SELENOO: variants seen among roughly 807,000 people sequenced by gnomAD.
SELENOO encodes the protein protein adenylyltransferase SelO, mitochondrial.
SELENOO carries 74 observed loss-of-function variants against 58.7 expected under a neutral mutation model. That is an observed-to-expected ratio of 1.26 (90% CI 1.04 to 1.53). The LOEUF (loss-of-function observed/expected upper bound fraction) is 1.53. Ranked by LOEUF, SELENOO falls within the 40% of genes most tolerant of loss-of-function variation. The probability of loss-of-function intolerance (pLI) is 0.00; values close to 1 mark genes in which losing one functional copy is unlikely to be tolerated. For synonymous variants in SELENOO, 543 were observed against 453.2 expected, an observed-to-expected ratio of 1.20 and a Z score of -2.52; for missense variants, 1,149 against 970.0, an observed-to-expected ratio of 1.18 and a Z score of -2.45.
intron 4 of SELENOO, 117 bp from the exon 5 acceptor site, chr22:50,210,514 G>T: frequency 2.0e-6 from 3 of 1,493,594 alleles, no homozygotes; most frequent in Non-Finnish European, 2.7e-6. Flanking sequence ...TGTGGGACAG[G>T]GCCAGAGAGC....
Position 50,201,033 on chromosome 22 carries a change from G to GC in SELENOO, c.-3dup. 4.0e-6 allele frequency: 5 copies of GC among 1,260,398 alleles called. No individual in the cohort carries two copies. Among genetic ancestry groups the GC allele is most frequent in the Non-Finnish European group, 5.0e-6 (5 of 1,001,858 alleles). 78.1% of individuals were successfully genotyped at this position (1,260,398 alleles called of 1,614,324 possible). ...GCTGGCTTCCGGCGGGAGCGGGGCC[G>GC]CGGATGGCCGTATACAGGGCAGCGC... On this transcript the variant is annotated 5_prime_UTR_variant, in exon 1 of 9. Transcript: ENST00000380903.
chr22:50,209,011 C>A (rs1024955715), intron 3 of SELENOO, among the ~76,000 whole-genome samples: 1 of 152,152 alleles, frequency 6.6e-6, no homozygotes, highest in Admixed American at 6.5e-5. Context: ...GGTGGAAGGA[C>A]CATGGGCTGG....
At chr22:50,215,635 TGGGGGGGG>T (rs10605825) in intron 5 of SELENOO, 74 bp from the exon 6 acceptor site, 7 of 892,014 alleles carry the variant, frequency 7.8e-6, no homozygotes, top group Admixed American at 3.3e-5. Flanking sequence ...GCCAGGGGGG[TGGGGGGGG>T]GGGGGTCTGT....
intron 4 of SELENOO, 85 bp downstream of exon 4, chr22:50,210,396 G>A (rs2064360744): frequency 6.6e-7 from 1 of 1,525,760 alleles, no homozygotes; most frequent in Non-Finnish European, 8.9e-7. Flanking sequence ...CCAGGCACTG[G>A]CCCGTGATGC....
At chr22:50,202,078 AGATGCCGCCAGGCCCACCGGG>A (rs1415429889) in intron 1 of SELENOO, among the ~76,000 whole-genome samples, 6 of 152,264 alleles carry the variant, frequency 3.9e-5, no homozygotes, top group African/African-American at 1.2e-4. Context: ...ATCTGGGTCC[AGATGCCGCCAGGCCCACCGGG>A]GAGCCGTGCA....
In SELENOO at chr22:50,201,224, C is replaced by G; in HGVS notation, c.188C>G (p.Pro63Arg). 8.6e-7 allele frequency: 1 copy of G among 1,159,618 alleles called. No homozygotes were observed. Among genetic ancestry groups the G allele is most frequent in the Non-Finnish European group, 1.1e-6 (1 of 942,950 alleles). The allele number at this position is 1,159,618 out of a possible 1,614,324, so 71.8% of individuals were successfully genotyped here. The change falls in exon 1 of 9, where the codon CCG (proline) becomes CGG (arginine). Residue 63 changes from proline to arginine, a missense_variant. By Grantham distance (103) the Pro-to-Arg change is moderately radical. Transcript: ENST00000380903. ...RALRALPVEA[P>R]PPGPEGAPSA... ...CTGCGCGCCCTGCCCGTGGAGGCGC[C>G]GCCGCCCGGTCCCGAGGGCGCCCCG...
At chr22:50,205,498 G>A (rs2064327219) in intron 1 of SELENOO, 1 of 152,212 alleles carries the variant, frequency 6.6e-6, no homozygotes, top group African/African-American at 2.4e-5. Flanking sequence ...GCGAGAGGGT[G>A]GTGCTGCAGT....
Position 50,216,806 on chromosome 22 carries a change from G to A in SELENOO, c.1618G>A (p.Glu540Lys). The change falls in exon 7 of 9, where the codon GAG becomes AAG. Residue 540 changes from glutamate to lysine, a missense_variant. Glu to Lys is a moderately conservative substitution (Grantham distance 56). Coordinates refer to ENST00000380903, the MANE Select transcript of SELENOO (RefSeq NM_031454.2). ...LERVEQQSRLEQLSAAELQSR... is the reference protein window; with the variant it reads ...LERVEQQSRLKQLSAAELQSR... ...GCGTGTGGAGCAGCAGTCTCGGCTG[G>A]AGCAGCTGAGTGCGGCAGAGCTGCA... The A allele has an allele frequency of 1.9e-6, 3 of 1,608,844 alleles. No homozygotes were observed. Among genetic ancestry groups the A allele is most frequent in the Non-Finnish European group, 2.5e-6 (3 of 1,179,854 alleles).
chr22:50,201,022 G>C lies in SELENOO; in HGVS notation c.-15G>C. ...GGGCGGGGCAGGCTGGCTTCCGGCGGGAGCGGGGCCGCGGATGGCCGTATA... is the reference window on the plus strand; with the variant it reads ...GGGCGGGGCAGGCTGGCTTCCGGCGCGAGCGGGGCCGCGGATGGCCGTATA... On this transcript the variant is annotated 5_prime_UTR_variant, in exon 1 of 9. Coordinates refer to ENST00000380903, the MANE Select transcript of SELENOO (RefSeq NM_031454.2). The C allele has an allele frequency of 8.0e-7, 1 of 1,253,296 alleles. No homozygotes were observed. The highest frequency in any genetic ancestry group is 3.2e-5 in the East Asian group (1 of 31,112). The allele number at this position is 1,253,296 out of a possible 1,614,324, so 77.6% of individuals were successfully genotyped here. A position where few individuals can be genotyped will look rare whatever the true frequency, so the allele number is the denominator to read the frequency against.
Position 50,201,232 on chromosome 22 carries a change from G to T in SELENOO, c.196G>T (p.Gly66Cys). Reference sequence around the variant, plus strand: ...CCTGCCCGTGGAGGCGCCGCCGCCCGGTCCCGAGGGCGCCCCGTCCGCGCC... The same window carrying T: ...CCTGCCCGTGGAGGCGCCGCCGCCCTGTCCCGAGGGCGCCCCGTCCGCGCC... Reference protein sequence around the residue: ...RALPVEAPPPGPEGAPSAPRP... With the variant: ...RALPVEAPPPCPEGAPSAPRP... Residue 66 changes from glycine (G) to cysteine (C), a missense_variant, in exon 1 of 9, where the codon GGT (glycine) becomes TGT (cysteine). Coordinates refer to ENST00000380903, the MANE Select transcript of SELENOO (RefSeq NM_031454.2). The T allele has an allele frequency of 8.8e-7, 1 of 1,137,222 alleles. No homozygotes were observed. Among genetic ancestry groups the T allele is most frequent in the Non-Finnish European group, 1.1e-6 (1 of 929,070 alleles). 70.4% of individuals were successfully genotyped at this position (1,137,222 alleles called of 1,614,324 possible). A position where few individuals can be genotyped will look rare whatever the true frequency, so the allele number is the denominator to read the frequency against.
intron 5 of SELENOO, among the ~76,000 whole-genome samples, chr22:50,212,538 C>T (rs1246122781): frequency 4.6e-5 from 7 of 152,216 alleles, no homozygotes; most frequent in African/African-American, 1.7e-4. Context: ...AGGAGCAGTG[C>T]TGTACAGCCG....
In SELENOO at chr22:50,215,879, G is replaced by C. The variant is rs2147167492; in HGVS notation, c.1502+12G>C. 1 of 1,584,114 alleles carries C rather than the reference G, an allele frequency of 6.3e-7. No homozygotes were observed. The highest frequency in any genetic ancestry group is 8.6e-7 in the Non-Finnish European group (1 of 1,160,848). ...CAGATGGATCCCCGGTGGGTACTCA[G>C]TTCCTACTTCTTTGGATTTGTTTCC... On this transcript the variant is annotated intron_variant, in intron 6 of 8. Coordinates refer to ENST00000380903, the MANE Select transcript of SELENOO (RefSeq NM_031454.2).
At chr22:50,212,884 C>T (rs868117407) in intron 5 of SELENOO, among the ~76,000 whole-genome samples, 2 of 151,888 alleles carry the variant, frequency 1.3e-5, no homozygotes, top group South Asian at 2.1e-4. Context: ...AGTGGAGTTA[C>T]GCAGCGTGTG....
rs73435246 is a variant in SELENOO, at chr22:50,207,565, C to T, written c.759-971C>T. On this transcript the variant is annotated intron_variant, in intron 2 of 8. Transcript: ENST00000380903. ...CCCACCCCTGAGGCTGCCTGTGGGC[C>T]TCTGGCTTTTCCTGTCCTGCAGGGG... 9.2e-3 allele frequency among the ~76,000 whole-genome samples: 1,393 copies of T among 150,926 alleles called. 23 individuals are homozygous for T. The highest frequency in any genetic ancestry group is 0.033 in the African/African-American group (1,339 of 41,144).
intron 5 of SELENOO, among the ~76,000 whole-genome samples, chr22:50,211,361 G>GT (rs1261548624): frequency 6.6e-6 from 1 of 152,186 alleles, no homozygotes; most frequent in East Asian, 1.9e-4. Flanking sequence ...GTTCCGTGGG[G>GT]TGTACAGGTG....
chr22:50,201,907 G>T lies in SELENOO; in HGVS notation c.554+317G>T, dbSNP rs145201192. ...GCAGGTCCCCAGCCTTCCTCCGATCGCTCGTGGGGCGGGCCGCTTCGTCCA... is the reference window on the plus strand; with the variant it reads ...GCAGGTCCCCAGCCTTCCTCCGATCTCTCGTGGGGCGGGCCGCTTCGTCCA... On this transcript the variant is annotated intron_variant, in intron 1 of 8. Coordinates refer to ENST00000380903, the MANE Select transcript of SELENOO (RefSeq NM_031454.2). 2.7e-3 allele frequency among the ~76,000 whole-genome samples: 413 copies of T among 152,356 alleles called. 3 individuals are homozygous for T. Among genetic ancestry groups the T allele is most frequent in the Admixed American group, 5.2e-3 (80 of 15,306 alleles).
In SELENOO at chr22:50,210,723, A is replaced by G. The variant is rs778536468; in HGVS notation, c.1163A>G (p.Lys388Arg). 3.1e-6 allele frequency: 5 copies of G among 1,613,472 alleles called. No homozygotes were observed. The highest frequency in any genetic ancestry group is 4.2e-6 in the Non-Finnish European group (5 of 1,180,006). ...GAGGTGTGCAGGTGGAACCTGCGGA[A>G]GCTGGCCGAGGCCCTGCAGCCGGAA... Reference protein sequence around the residue: ...QPEVCRWNLRKLAEALQPELP... With the variant: ...QPEVCRWNLRRLAEALQPELP... Residue 388 changes from lysine to arginine, a missense_variant, in exon 5 of 9, where the codon AAG becomes AGG. By Grantham distance (26) the Lys-to-Arg change is conservative. Transcript: ENST00000380903.
At chr22:50,208,113 T>C (rs996358179) in intron 2 of SELENOO, among the ~76,000 whole-genome samples, 20 of 152,042 alleles carry the variant, frequency 1.3e-4, no homozygotes, top group Non-Finnish European at 2.9e-4. Flanking sequence ...AAGGTTCTCT[T>C]TCTGCTGTAG....
chr22:50,201,514 C>G lies in SELENOO; in HGVS notation c.478C>G (p.Leu160Val). ...GCTGGGCGACGGCGCCGCCATGTAC[C>G]TGGGCGAGGTGTGCACGGCGACCGG... The part of the protein sequence containing the change: ...GQLGDGAAMY[L>V]GEVCTATGER... The change falls in exon 1 of 9, where the codon CTG (leucine) becomes GTG (valine). Residue 160 changes from leucine (L) to valine (V), a missense_variant. Transcript: ENST00000380903. 7.0e-7 allele frequency: 1 copy of G among 1,428,724 alleles called. No homozygotes were observed. The highest frequency in any genetic ancestry group is 9.2e-7 in the Non-Finnish European group (1 of 1,089,812). The allele number at this position is 1,428,724 out of a possible 1,614,324, so 88.5% of individuals were successfully genotyped here.
Sources: gnomAD v4.1 joint callset for allele counts (sites outside exome capture counted in the v4.1 genomes callset) on GRCh38, gnomAD v4.1.1 for gene constraint, MANE v1.5 for transcripts, NCBI Gene and HGNC (gene_info 2026-07-23, HGNC 2026-07-21) for gene names.